PTPRM: variants seen among roughly 807,000 people sequenced by gnomAD.
PTPRM encodes the protein protein tyrosine phosphatase receptor type M, also known as receptor-type tyrosine-protein phosphatase mu.
Under a neutral mutation model 186.7 loss-of-function variants are expected in PTPRM, and 47 were observed. That is an observed-to-expected ratio of 0.25 (90% CI 0.20 to 0.32). PTPRM has a LOEUF of 0.32. Ranked by LOEUF, PTPRM falls within the 10% of genes least tolerant of loss-of-function variation. The probability of loss-of-function intolerance (pLI) is 1.00; values close to 1 mark genes in which losing one functional copy is unlikely to be tolerated. For synonymous variants in PTPRM, 668 were observed against 674.9 expected (o/e 0.99, Z 0.16); for missense variants, 1,494 against 1,865.0 (o/e 0.80, Z 3.66).
At chr18:7,823,823 G>T (rs547458681) in intron 2 of PTPRM, among the ~76,000 whole-genome samples, 1 of 152,078 alleles carries the variant, frequency 6.6e-6, no homozygotes, top group African/African-American at 2.4e-5. Context: ...CTTGCAGATG[G>T]CCTATTGTGG....
At chr18:7,577,474 A>T (rs1271978571) in intron 1 of PTPRM, among the ~76,000 whole-genome samples, 1 of 152,180 alleles carries the variant, frequency 6.6e-6, no homozygotes, top group Non-Finnish European at 1.5e-5. Flanking sequence ...AATATATATT[A>T]TCTCTGCTGC....
intron 14 of PTPRM, among the ~76,000 whole-genome samples, chr18:8,213,403 T>C (rs1486141952): frequency 2.0e-5 from 3 of 152,216 alleles, no homozygotes; most frequent in African/African-American, 7.2e-5. Context: ...GGTTCAGATA[T>C]TTAACGGTCA....
chr18:8,035,390 C>G (rs952278559), intron 7 of PTPRM, among the ~76,000 whole-genome samples: 1 of 152,130 alleles, frequency 6.6e-6, no homozygotes, highest in Non-Finnish European at 1.5e-5. Flanking sequence ...AGACTGCCCC[C>G]CTCCTCCCCA....
chr18:7,652,471 C>T (rs1325441298), intron 1 of PTPRM, among the ~76,000 whole-genome samples: 2 of 152,052 alleles, frequency 1.3e-5, no homozygotes, highest in African/African-American at 4.8e-5. Flanking sequence ...TATTGCGGCA[C>T]TATTCACAAA....
intron 11 of PTPRM, among the ~76,000 whole-genome samples, chr18:8,106,571 C>G (rs2091530505): frequency 6.6e-6 from 1 of 152,186 alleles, no homozygotes; most frequent in South Asian, 2.1e-4. Context: ...TGATGTATTT[C>G]TGACACTCTT....
At chr18:8,352,861 G>A (rs1333552630) in intron 23 of PTPRM, among the ~76,000 whole-genome samples, 2 of 151,978 alleles carry the variant, frequency 1.3e-5, no homozygotes, top group Non-Finnish European at 2.9e-5. Flanking sequence ...TAATAGAGAT[G>A]GGGTTTCACC....
intron 1 of PTPRM, among the ~76,000 whole-genome samples, chr18:7,611,227 C>T (rs960378453): frequency 1.3e-5 from 2 of 152,060 alleles, no homozygotes; most frequent in Admixed American, 1.3e-4. Flanking sequence ...AAAAATGCCA[C>T]AGTAAGCTAA....
intron 7 of PTPRM, 28 bp from the exon 8 acceptor site, chr18:8,069,658 G>C (rs1311644515): frequency 1.9e-6 from 3 of 1,562,486 alleles, no homozygotes; most frequent in Non-Finnish European, 2.6e-6. Context: ...TCTCTCTCAT[G>C]TTTTCTTTTG....
intron 4 of PTPRM, among the ~76,000 whole-genome samples, chr18:7,919,389 G>T (rs2050738428): frequency 6.6e-6 from 1 of 151,992 alleles, no homozygotes; most frequent in East Asian, 1.9e-4. Context: ...GAGTAGTATT[G>T]TCATTTTAAA....
chr18:7,845,742 A>T (rs1366762278), intron 2 of PTPRM, among the ~76,000 whole-genome samples: 1 of 151,938 alleles, frequency 6.6e-6, no homozygotes, highest in Non-Finnish European at 1.5e-5. Context: ...CTTTCTTTCC[A>T]GAGTCTCTGT....
rs1324686459 is a variant in PTPRM at position 7,585,610 on chromosome 18, T to C, written c.73+17719T>C. On this transcript the variant is annotated intron_variant, in intron 1 of 32. Transcript: ENST00000580170. ...ATGCCTGATATCAAGGTCCAAGGCT[T>C]TCTCTCTTTTTTTTTCCTCTTCTTC... 2.6e-5 allele frequency among the ~76,000 whole-genome samples: 4 copies of C among 152,160 alleles called. No individual in the cohort carries two copies. In the East Asian group the frequency reaches 7.7e-4, roughly 29 times the overall value.
At chr18:7,955,527 A>G (rs3786153) in intron 7 of PTPRM, 113 bp downstream of exon 7, 503,931 of 1,240,180 alleles carry the variant, frequency 0.41, 107,996 homozygotes, top group African/African-American at 0.7. Context: ...CAAAACCTGC[A>G]TATGAACAGA....
intron 7 of PTPRM, among the ~76,000 whole-genome samples, chr18:8,057,576 T>C (rs2088111266): frequency 7.4e-6 from 1 of 134,962 alleles, no homozygotes; most frequent in African/African-American, 2.9e-5. Flanking sequence ...TAGCATTAGG[T>C]ATATCTCCCA....
intron 1 of PTPRM, among the ~76,000 whole-genome samples, chr18:7,719,292 G>A (rs1692729007): frequency 6.6e-6 from 1 of 152,080 alleles, no homozygotes; most frequent in Non-Finnish European, 1.5e-5. Flanking sequence ...ACTCAGGAAT[G>A]GAAAATCAAA....
intron 1 of PTPRM, among the ~76,000 whole-genome samples, chr18:7,593,090 C>G (rs556131864): frequency 2.0e-5 from 3 of 152,114 alleles, no homozygotes; most frequent in Admixed American, 2.0e-4. Context: ...ACAATAAAAT[C>G]AGTGGCAAGG....
chr18:8,297,519 T>C (rs1340272657), intron 20 of PTPRM, among the ~76,000 whole-genome samples: 1 of 152,194 alleles, frequency 6.6e-6, no homozygotes, highest in Non-Finnish European at 1.5e-5. Context: ...CACATAGGAG[T>C]AGCTGCACTG....
intron 2 of PTPRM, 152 bp from the exon 3 acceptor site, chr18:7,887,954 T>C (rs2048869447): frequency 1.2e-6 from 1 of 864,368 alleles, no homozygotes; most frequent in African/African-American, 1.6e-5. Context: ...GAGGAGGTGG[T>C]GATATATGAA....
chr18:7,969,485 C>CA (rs1427036030), intron 7 of PTPRM, among the ~76,000 whole-genome samples: 6 of 147,754 alleles, frequency 4.1e-5, no homozygotes, highest in South Asian at 2.2e-4. Flanking sequence ...AATAGAGACA[C>CA]AAAAAACCCT....
intron 2 of PTPRM, among the ~76,000 whole-genome samples, chr18:7,782,313 CT>C (rs1249851244): frequency 6.6e-6 from 1 of 151,638 alleles, no homozygotes; most frequent in Non-Finnish European, 1.5e-5. Context: ...GAGCCAAAGG[CT>C]GGGATTACGT....
Sources: allele counts gnomAD v4.1 joint callset (sites outside exome capture counted in the v4.1 genomes callset), GRCh38; gene constraint gnomAD v4.1.1; transcripts MANE v1.5; gene names NCBI Gene and HGNC (gene_info 2026-07-23, HGNC 2026-07-21).